PIP5K1C: variants seen among roughly 807,000 people sequenced by gnomAD.
PIP5K1C encodes phosphatidylinositol 4-phosphate 5-kinase type-1 gamma.
PIP5K1C carries 45 observed loss-of-function variants against 80.1 expected under a neutral mutation model. That is an observed-to-expected ratio of 0.56 (90% CI 0.44 to 0.72). The LOEUF (loss-of-function observed/expected upper bound fraction) is 0.72, where lower values mean the gene tolerates loss of function less well. PIP5K1C is among the 30% of genes least tolerant of loss of function. The pLI, the probability that PIP5K1C is intolerant of heterozygous loss-of-function variation, is 0.00. For synonymous variants in PIP5K1C, 498 were observed against 420.1 expected, an observed-to-expected ratio of 1.19 and a Z score of -2.27; for missense variants, 753 against 954.6, an observed-to-expected ratio of 0.79 and a Z score of 2.78.
At chr19:3,699,869 G>A (rs113615653) in intron 1 of PIP5K1C, among the ~76,000 whole-genome samples, 1,663 of 152,324 alleles carry the variant, frequency 0.011, 19 homozygotes, top group South Asian at 0.034. Context: ...GGTAAACTGA[G>A]GCCCAGGAAG....
At chr19:3,694,211 CAA>C (rs1175485721) in intron 1 of PIP5K1C, among the ~76,000 whole-genome samples, 16 of 57,464 alleles carry the variant, frequency 2.8e-4, no homozygotes, top group Non-Finnish European at 2.5e-4. Context: ...GACTCCATCT[CAA>C]AAAAAAAAAA....
At chr19:3,643,083 T>C (rs1039243264) in intron 13 of PIP5K1C, 144 bp from the exon 14 acceptor site, 7 of 1,466,508 alleles carry the variant, frequency 4.8e-6, no homozygotes, top group Non-Finnish European at 6.6e-6. Flanking sequence ...ACACATTGGA[T>C]GCTCCGCCCC....
intron 10 of PIP5K1C, among the ~76,000 whole-genome samples, chr19:3,647,059 G>A (rs2034252250): frequency 2.2e-5 from 3 of 138,180 alleles, no homozygotes; most frequent in Admixed American, 7.1e-5. Flanking sequence ...TGCTCACAGA[G>A]GGAGGAGGGA....
In PIP5K1C at chr19:3,630,342, C is replaced by T. The variant is rs1218227419; in HGVS notation, c.*2825G>A. 1 of 152,540 alleles carries T rather than the reference C, an allele frequency of 6.6e-6. No individual in the cohort carries two copies. The highest frequency in any genetic ancestry group is 1.5e-5 in the Non-Finnish European group (1 of 68,038). 9.4% of individuals were successfully genotyped at this position (152,540 alleles called of 1,614,324 possible). ...CTGGGTTTGAGGGACACAGCACCCT[C>T]GTCTCGGCGCTTTGGATTGTCACGC... On this transcript the variant is annotated 3_prime_UTR_variant, in exon 18 of 18. Coordinates refer to ENST00000335312, the MANE Select transcript of PIP5K1C (RefSeq NM_012398.3).
rs776738252 is a variant in PIP5K1C, at chr19:3,661,935, A to C, written c.286T>G (p.Ser96Ala). ...GIGYTVGHLS[S>A]KPERDVLMQD... Reference sequence around the variant, plus strand: ...ATGAGCACGTCGCGTTCGGGCTTGGAGCTCAGGTGGCCCACGGTGTAGCCG... The same window carrying C: ...ATGAGCACGTCGCGTTCGGGCTTGGCGCTCAGGTGGCCCACGGTGTAGCCG... Residue 96 changes from serine to alanine, a missense_variant, in exon 4 of 18, where the codon TCC (serine) becomes GCC (alanine). Coordinates refer to ENST00000335312, the MANE Select transcript of PIP5K1C (RefSeq NM_012398.3). 1 of 1,612,408 alleles carries C rather than the reference A, an allele frequency of 6.2e-7. No individual in the cohort carries two copies.
intron 16 of PIP5K1C, among the ~76,000 whole-genome samples, chr19:3,638,667 G>A (rs2033811083): frequency 6.6e-6 from 1 of 152,160 alleles, no homozygotes; most frequent in African/African-American, 2.4e-5. Context: ...ACCCCATGGG[G>A]TTAGACCAGG....
intron 16 of PIP5K1C, among the ~76,000 whole-genome samples, chr19:3,634,027 G>C (rs1360980689): frequency 6.6e-6 from 1 of 152,122 alleles, no homozygotes; most frequent in African/African-American, 2.4e-5. Context: ...CCTGCGGGCA[G>C]GGCCAGTCCC....
In PIP5K1C at chr19:3,700,429, C is replaced by T. The variant is rs2036264685; in HGVS notation, c.-39G>A. 1 of 1,031,758 alleles carries T rather than the reference C, an allele frequency of 9.7e-7. No individual in the cohort carries two copies. Among genetic ancestry groups the T allele is most frequent in the Non-Finnish European group, 1.2e-6 (1 of 855,900 alleles). 63.9% of individuals were successfully genotyped at this position (1,031,758 alleles called of 1,614,324 possible). A position where few individuals can be genotyped will look rare whatever the true frequency, so the allele number is the denominator to read the frequency against. On this transcript the variant is annotated 5_prime_UTR_variant, in exon 1 of 18. Transcript: ENST00000335312. ...CGGCGGCGGGGGCGCCCGAGGGGGA[C>T]CCGAGCTGCGACCGCCGCCGCCGAA... is the stretch of plus-strand genomic sequence containing the variant.
intron 1 of PIP5K1C, among the ~76,000 whole-genome samples, chr19:3,676,380 C>A (rs1474933709): frequency 1.3e-5 from 2 of 152,256 alleles, no homozygotes; most frequent in African/African-American, 4.8e-5. Context: ...GTGAGTGGCC[C>A]GCCCGGGCTT....
At position 3,648,843 on chromosome 19, in the gene PIP5K1C, C is replaced by A. The variant is rs1358852050; in HGVS notation, c.1128-135G>T. ...ACTTGGCCAAGCTCTCGGAGTGGGGCCTGGCACCCGGGAACCTCTGTCCTG... is the reference window on the plus strand; with the variant it reads ...ACTTGGCCAAGCTCTCGGAGTGGGGACTGGCACCCGGGAACCTCTGTCCTG... On this transcript the variant is annotated intron_variant, in intron 8 of 17. Transcript: ENST00000335312. The surrounding 1 kb of genome is among the most constrained non-coding windows in gnomAD (Gnocchi z 4.3). 2.8e-6 allele frequency: 2 copies of A among 705,118 alleles called. No homozygotes were observed. The highest frequency in any genetic ancestry group is 1.8e-5 in the African/African-American group (1 of 57,118). 43.7% of individuals were successfully genotyped at this position (705,118 alleles called of 1,614,324 possible).
intron 3 of PIP5K1C, among the ~76,000 whole-genome samples, chr19:3,662,706 T>C (rs1325535788): frequency 1.3e-5 from 2 of 152,100 alleles, no homozygotes; most frequent in African/African-American, 4.8e-5. Context: ...GCTGGGATTA[T>C]AGGTGCGCGC....
In PIP5K1C at chr19:3,675,701, A is replaced by AC. The variant is rs1340420344; in HGVS notation, c.95-8349dup. 3.3e-5 allele frequency among the ~76,000 whole-genome samples: 5 copies of AC among 151,676 alleles called. No homozygotes were observed. The South Asian group carries it at 6.3e-4, about 19-fold the overall frequency. On this transcript the variant is annotated intron_variant, in intron 1 of 17. Transcript: ENST00000335312. ...GCAAACGGCTTGGGGGCCTCCAGGC[A>AC]CCCCCCAAAGCCCATGCAAACCAGG...
chr19:3,658,761 T>G (rs2034728811), intron 5 of PIP5K1C, among the ~76,000 whole-genome samples: 1 of 152,182 alleles, frequency 6.6e-6, no homozygotes, highest in South Asian at 2.1e-4. Flanking sequence ...CACGTTCGGC[T>G]TTGTACAAAG....
intron 1 of PIP5K1C, among the ~76,000 whole-genome samples, chr19:3,697,161 G>A (rs1414827589): frequency 7.9e-5 from 12 of 151,594 alleles, no homozygotes; most frequent in Non-Finnish European, 1.5e-4. Flanking sequence ...GAACCGAGCC[G>A]GACAGAGGAG....
At chr19:3,697,762 G>GTC (rs1226852328) in intron 1 of PIP5K1C, among the ~76,000 whole-genome samples, 1 of 152,160 alleles carries the variant, frequency 6.6e-6, no homozygotes, top group African/African-American at 2.4e-5. Flanking sequence ...GGACAGCCTG[G>GTC]GAGAGGCTCA....
Position 3,696,694 on chromosome 19 carries a change from A to T in PIP5K1C, c.94+3603T>A, listed in dbSNP as rs2036112350. On this transcript the variant is annotated intron_variant, in intron 1 of 17. Coordinates refer to ENST00000335312, the MANE Select transcript of PIP5K1C (RefSeq NM_012398.3). This position sits in a 1 kb window ranked among gnomAD's most constrained non-coding sequence, Gnocchi z 4.1. ...AACAGCAAGGGGCCCATGGGCCTAC[A>T]GCAGAGTGCAGACGGGAGGGCAGGG... Among the ~76,000 whole-genome samples the T allele has an allele frequency of 7.7e-6, 1 of 129,656 alleles. No homozygotes were observed. The highest frequency in any genetic ancestry group is 2.9e-5 in the African/African-American group (1 of 34,308). The allele number at this position is 129,656 out of a possible 152,430, so 85.1% of individuals were successfully genotyped here. A position where few individuals can be genotyped will look rare whatever the true frequency, so the allele number is the denominator to read the frequency against.
intron 2 of PIP5K1C, among the ~76,000 whole-genome samples, chr19:3,666,166 C>T (rs1279753275): frequency 1.3e-5 from 2 of 152,256 alleles, no homozygotes; most frequent in Non-Finnish European, 2.9e-5. Flanking sequence ...GCCCTCCAAG[C>T]TCTGGCTACG....
At chr19:3,671,565 C>T (rs186740671) in intron 1 of PIP5K1C, among the ~76,000 whole-genome samples, 3 of 152,286 alleles carry the variant, frequency 2.0e-5, no homozygotes, top group East Asian at 1.9e-4. Context: ...TGGCCGGGGC[C>T]GAAGCACTGA....
intron 16 of PIP5K1C, chr19:3,636,427 AC>A (rs1362665370): frequency 1.0e-6 from 1 of 984,902 alleles, no homozygotes; most frequent in Non-Finnish European, 1.2e-6. Flanking sequence ...TGCCGAGACC[AC>A]CCTCCCCACG....
Sources: gnomAD v4.1 joint callset for allele counts (sites outside exome capture counted in the v4.1 genomes callset) on GRCh38, gnomAD v4.1.1 for gene constraint, Gnocchi (gnomAD v3.1) non-coding constraint, MANE v1.5 for transcripts, NCBI Gene and HGNC (gene_info 2026-07-23, HGNC 2026-07-21) for gene names.